The following RLN3 variants were observed in gnomAD, a reference collection of about 807,000 sequenced individuals.
RLN3 encodes relaxin-3.
RLN3 carries 13 observed loss-of-function variants against 10.2 expected under a neutral mutation model. The ratio of observed to expected loss-of-function variants is 1.28; its 90% CI spans 0.83 to 2.03. RLN3 has a LOEUF of 2.03. RLN3 is among the 30% of genes most tolerant of loss of function. The pLI is 0.00. For missense variants in RLN3, 191 were observed against 187.2 expected, an observed-to-expected ratio of 1.02 and a Z score of -0.12; for synonymous variants, 56 against 79.2, an observed-to-expected ratio of 0.71 and a Z score of 1.56.
In RLN3 at chr19:14,028,468, T is replaced by A. The variant is rs552905693; in HGVS notation, c.190+74T>A. On this transcript the variant is annotated intron_variant, in intron 1 of 1. Coordinates refer to ENST00000431365, the MANE Select transcript of RLN3 (RefSeq NM_080864.4). The stretch of plus-strand genomic sequence containing the variant: ...GGGTCCCAGGAGCTAAGGACAGAGA[T>A]AAGAGGAGGTTGCTGGAGGAGGAGG... 5 of 1,356,352 alleles carry A rather than the reference T, an allele frequency of 3.7e-6. No homozygotes were observed. The African/African-American group carries it at 7.3e-5, about 20-fold the overall frequency. The allele number at this position is 1,356,352 out of a possible 1,614,324, so 84.0% of individuals were successfully genotyped here.
At position 14,031,550 on chromosome 19, in the gene RLN3, T is replaced by C; in HGVS notation, c.*602T>C. On this transcript the variant is annotated 3_prime_UTR_variant, in exon 2 of 2. Coordinates refer to ENST00000431365, the MANE Select transcript of RLN3 (RefSeq NM_080864.4). ...TCCAATAATAAAAATTCGAAGACTT[T>C]GGCAGAGAGTGTGTGTGTGTGTGTA... The C allele has an allele frequency of 2.5e-6, 1 of 406,444 alleles. No individual in the cohort carries two copies. The highest frequency in any genetic ancestry group is 4.4e-6 in the Non-Finnish European group (1 of 226,420). 25.2% of individuals were successfully genotyped at this position (406,444 alleles called of 1,614,324 possible). A position where few individuals can be genotyped will look rare whatever the true frequency, so the allele number is the denominator to read the frequency against.
rs1013834796 is a variant in RLN3, at chr19:14,028,316, G to T, written c.112G>T (p.Glu38Ter). 6.2e-7 allele frequency: 1 copy of T among 1,613,904 alleles called. No homozygotes were observed. Among genetic ancestry groups the T allele is most frequent in the African/African-American group, 1.3e-5 (1 of 74,908 alleles). Residue 38 changes from glutamate to a stop codon, truncating the protein, a stop_gained, in exon 1 of 2, where the codon GAA (glutamate) becomes TAA (stop). Transcript: ENST00000431365. LOFTEE classifies it high-confidence loss of function. Reference protein sequence around the residue: ...APYGVRLCGREFIRAVIFTCG... With the variant: ...APYGVRLCGR Reference sequence around the variant, plus strand: ...TTACGGGGTCAGGCTTTGCGGCCGAGAATTCATCCGAGCAGTCATCTTCAC... The same window carrying T: ...TTACGGGGTCAGGCTTTGCGGCCGATAATTCATCCGAGCAGTCATCTTCAC...
rs143824808 is a variant in RLN3, at chr19:14,028,999, G to A, written c.190+605G>A. Reference sequence around the variant, plus strand: ...TCACTATGTTGCCTAGGCTGGTCTCGAACTCCTGGGCTCAAGTGATCCTCC... The same window carrying A: ...TCACTATGTTGCCTAGGCTGGTCTCAAACTCCTGGGCTCAAGTGATCCTCC... On this transcript the variant is annotated intron_variant, in intron 1 of 1. Transcript: ENST00000431365. Among the ~76,000 whole-genome samples, 1,412 of 151,906 alleles carry A rather than the reference G, an allele frequency of 9.3e-3. 19 individuals are homozygous for A. Among genetic ancestry groups the A allele is most frequent in the African/African-American group, 0.032 (1,310 of 41,426 alleles).
At position 14,030,241 on chromosome 19, in the gene RLN3, G is replaced by C. The variant is rs758821656; in HGVS notation, c.191-469G>C. 7.7e-5 allele frequency: 54 copies of C among 699,596 alleles called. No individual in the cohort carries two copies. In the South Asian group the frequency reaches 8.0e-4, roughly 10 times the overall value. 43.3% of individuals were successfully genotyped at this position (699,596 alleles called of 1,614,324 possible). A position where few individuals can be genotyped will look rare whatever the true frequency, so the allele number is the denominator to read the frequency against. ...TGGAGTAATTATTTTTTTCCACTTTGCAGAAAAGAACATTGAGGCTCCAAG... is the reference window on the plus strand; with the variant it reads ...TGGAGTAATTATTTTTTTCCACTTTCCAGAAAAGAACATTGAGGCTCCAAG... On this transcript the variant is annotated intron_variant, in intron 1 of 1. Coordinates refer to ENST00000431365, the MANE Select transcript of RLN3 (RefSeq NM_080864.4).
chr19:14,029,002 C>T (rs1167917959), intron 1 of RLN3, among the ~76,000 whole-genome samples: 3 of 151,986 alleles, frequency 2.0e-5, no homozygotes, highest in African/African-American at 7.2e-5. Flanking sequence ...TGGTCTCGAA[C>T]TCCTGGGCTC....
rs141106192 is a variant in RLN3, at chr19:14,028,359, G to T, written c.155G>T (p.Trp52Leu). ...AVIFTCGGSR[W>L]RRSDILAHEA... ...ATCTTCACCTGCGGGGGCTCCCGGT[G>T]GAGACGATCAGACATCCTGGCCCAC... Residue 52 changes from tryptophan (W) to leucine (L), a missense_variant, in exon 1 of 2, where the codon TGG becomes TTG. Physicochemically the swap from Trp to Leu is moderately conservative, Grantham distance 61 (BLOSUM62 -2). Coordinates refer to ENST00000431365, the MANE Select transcript of RLN3 (RefSeq NM_080864.4). The T allele has an allele frequency of 8.4e-5, 135 of 1,613,410 alleles. No homozygotes were observed. Among genetic ancestry groups the T allele is most frequent in the Non-Finnish European group, 1.1e-4 (130 of 1,179,700 alleles).
rs774235386 is a variant in RLN3, at chr19:14,028,389, C to G, written c.185C>G (p.Ala62Gly). The G allele has an allele frequency of 6.2e-7, 1 of 1,609,526 alleles. No individual in the cohort carries two copies. Among genetic ancestry groups the G allele is most frequent in the Non-Finnish European group, 8.5e-7 (1 of 1,177,724 alleles). The stretch of plus-strand genomic sequence containing the variant: ...CGATCAGACATCCTGGCCCACGAGG[C>G]TATGGGTGAGGCTGGGGAGAGAGTG... The part of the protein sequence containing the change: ...WRRSDILAHE[A>G]MGDTFPDADA... Residue 62 changes from alanine (A) to glycine (G), a missense_variant, in exon 1 of 2, where the codon GCT becomes GGT. Coordinates refer to ENST00000431365, the MANE Select transcript of RLN3 (RefSeq NM_080864.4).
At chr19:14,030,001 T>G (rs1975773245) in intron 1 of RLN3, among the ~76,000 whole-genome samples, 1 of 151,854 alleles carries the variant, frequency 6.6e-6, no homozygotes, top group South Asian at 2.1e-4. Context: ...CTTTTTATTA[T>G]TTGTAGAGAC....
At chr19:14,030,243 A>T (rs1975777922) in intron 1 of RLN3, 1 of 702,132 alleles carries the variant, frequency 1.4e-6, no homozygotes, top group African/African-American at 1.8e-5. Flanking sequence ...TCCACTTTGC[A>T]GAAAAGAACA....
Position 14,028,281 on chromosome 19 carries a change from G to C in RLN3, c.77G>C (p.Arg26Pro), listed in dbSNP as rs749718554. Residue 26 changes from arginine (R) to proline (P), a missense_variant, in exon 1 of 2, where the codon CGG becomes CCG. Physicochemically the swap from Arg to Pro is moderately radical, Grantham distance 103 (BLOSUM62 -2). Transcript: ENST00000431365. ...TGELWPGAEA[R>P]AAPYGVRLCG... ...GAGCTGTGGCCGGGAGCTGAGGCCC[G>C]GGCAGCGCCTTACGGGGTCAGGCTT... 1.2e-6 allele frequency: 2 copies of C among 1,613,806 alleles called. No homozygotes were observed. Among genetic ancestry groups the C allele is most frequent in the Admixed American group, 3.3e-5 (2 of 59,968 alleles).
At chr19:14,030,644 A>G in intron 1 of RLN3, 66 bp from the exon 2 acceptor site, 1 of 1,324,278 alleles carries the variant, frequency 7.6e-7, no homozygotes, top group South Asian at 1.2e-5. Flanking sequence ...TAGACTGGCC[A>G]GGAGCCATGA....
In RLN3 at chr19:14,031,340, G is replaced by T; in HGVS notation, c.*392G>T. The T allele has an allele frequency of 4.4e-6, 1 of 224,980 alleles. No homozygotes were observed. Among genetic ancestry groups the T allele is most frequent in the Non-Finnish European group, 8.8e-6 (1 of 114,182 alleles). The allele number at this position is 224,980 out of a possible 1,614,324, so 13.9% of individuals were successfully genotyped here. A position where few individuals can be genotyped will look rare whatever the true frequency, so the allele number is the denominator to read the frequency against. On this transcript the variant is annotated 3_prime_UTR_variant, in exon 2 of 2. Coordinates refer to ENST00000431365, the MANE Select transcript of RLN3 (RefSeq NM_080864.4). ...CTTCCCAGTCCAAACTGTGGCCATT[G>T]TCCCCTGACCAGCTAAAATCAAGCC...
chr19:14,030,147 C>G (rs1018479941), intron 1 of RLN3: 35 of 617,548 alleles, frequency 5.7e-5, no homozygotes, highest in African/African-American at 1.1e-4. Context: ...GAGTGCTCAT[C>G]ATGTTCCAGA....
Position 14,030,641 on chromosome 19 carries a change from G to C in RLN3, c.191-69G>C. On this transcript the variant is annotated intron_variant, in intron 1 of 1. Transcript: ENST00000431365. ...TTGTCACAAGATCAGAGCTAGACTGGCCAGGAGCCATGACTGTGGGTGCAG... is the reference window on the plus strand; with the variant it reads ...TTGTCACAAGATCAGAGCTAGACTGCCCAGGAGCCATGACTGTGGGTGCAG... The C allele has an allele frequency of 2.3e-6, 3 of 1,295,280 alleles. No individual in the cohort carries two copies. The Admixed American group carries it at 5.0e-5, about 22-fold the overall frequency. The allele number at this position is 1,295,280 out of a possible 1,614,324, so 80.2% of individuals were successfully genotyped here.
Position 14,030,724 on chromosome 19 carries a change from G to C in RLN3, c.205G>C (p.Asp69His). The C allele has an allele frequency of 1.9e-6, 3 of 1,614,190 alleles. No individual in the cohort carries two copies. The highest frequency in any genetic ancestry group is 2.5e-6 in the Non-Finnish European group (3 of 1,180,002). ...ATCTTTTGCAGGAGATACCTTCCCGGATGCAGATGCTGATGAAGACAGTCT... is the reference window on the plus strand; with the variant it reads ...ATCTTTTGCAGGAGATACCTTCCCGCATGCAGATGCTGATGAAGACAGTCT... The part of the protein sequence containing the change: ...AHEAMGDTFP[D>H]ADADEDSLAG... Residue 69 changes from aspartate to histidine, a missense_variant, in exon 2 of 2, where the codon GAT becomes CAT. By Grantham distance (81) the Asp-to-His change is moderately conservative (BLOSUM62 -1). Coordinates refer to ENST00000431365, the MANE Select transcript of RLN3 (RefSeq NM_080864.4).
Position 14,030,708 on chromosome 19 carries a change from A to C in RLN3, c.191-2A>C. ...ATCACTAACTCTGTTCATCTTTTGC[A>C]GGAGATACCTTCCCGGATGCAGATG... On this transcript the variant is annotated splice_acceptor_variant, in intron 1 of 1. Coordinates refer to ENST00000431365, the MANE Select transcript of RLN3 (RefSeq NM_080864.4). LOFTEE classifies it high-confidence loss of function. 6.2e-7 allele frequency: 1 copy of C among 1,613,290 alleles called. No individual in the cohort carries two copies. Among genetic ancestry groups the C allele is most frequent in the Non-Finnish European group, 8.5e-7 (1 of 1,179,190 alleles).
At position 14,031,531 on chromosome 19, in the gene RLN3, A is replaced by G. The variant is rs1038985076; in HGVS notation, c.*583A>G. The G allele has an allele frequency of 9.0e-5, 31 of 345,406 alleles. No individual in the cohort carries two copies. The highest frequency in any genetic ancestry group is 1.5e-4 in the Non-Finnish European group (28 of 189,096). 21.4% of individuals were successfully genotyped at this position (345,406 alleles called of 1,614,324 possible). A position where few individuals can be genotyped will look rare whatever the true frequency, so the allele number is the denominator to read the frequency against. On this transcript the variant is annotated 3_prime_UTR_variant, in exon 2 of 2. Transcript: ENST00000431365. ...CATTCGAATCTTCCCAAACTCCAATAATAAAAATTCGAAGACTTTGGCAGA... is the reference window on the plus strand; with the variant it reads ...CATTCGAATCTTCCCAAACTCCAATGATAAAAATTCGAAGACTTTGGCAGA...
chr19:14,028,355 C>G lies in RLN3; in HGVS notation c.151C>G (p.Arg51Gly). The change falls in exon 1 of 2, where the codon CGG becomes GGG. Residue 51 changes from arginine (R) to glycine (G), a missense_variant. Arg to Gly is a moderately radical substitution (Grantham distance 125). Coordinates refer to ENST00000431365, the MANE Select transcript of RLN3 (RefSeq NM_080864.4). ...AGTCATCTTCACCTGCGGGGGCTCC[C>G]GGTGGAGACGATCAGACATCCTGGC... Reference protein sequence around the residue: ...RAVIFTCGGSRWRRSDILAHE... With the variant: ...RAVIFTCGGSGWRRSDILAHE... 6.2e-7 allele frequency: 1 copy of G among 1,613,374 alleles called. No homozygotes were observed. The highest frequency in any genetic ancestry group is 1.1e-5 in the South Asian group (1 of 91,004).
chr19:14,030,729 A>C lies in RLN3; in HGVS notation c.210A>C (p.Ala70=). 1 of 1,614,206 alleles carries C rather than the reference A, an allele frequency of 6.2e-7. No homozygotes were observed. The highest frequency in any genetic ancestry group is 8.5e-7 in the Non-Finnish European group (1 of 1,180,012). Residue 70 remains alanine, a synonymous_variant, in exon 2 of 2, where the codon GCA becomes GCC. Transcript: ENST00000431365. The stretch of plus-strand genomic sequence containing the variant: ...TTGCAGGAGATACCTTCCCGGATGC[A>C]GATGCTGATGAAGACAGTCTGGCAG... ...HEAMGDTFPD[A]DADEDSLAGE... is the part of the protein sequence containing the mutation.
Sources: allele counts gnomAD v4.1 joint callset (sites outside exome capture counted in the v4.1 genomes callset), GRCh38; gene constraint gnomAD v4.1.1; transcripts MANE v1.5; gene names NCBI Gene and HGNC (gene_info 2026-07-23, HGNC 2026-07-21).